Variants in BMP3 observed in about 807,000 individuals in gnomAD.
BMP3 encodes the protein bone morphogenetic protein 3 (osteogenic).
A neutral mutation model predicts 38.1 loss-of-function variants in BMP3; 23 were observed. That is an observed-to-expected ratio of 0.60 (90% confidence interval 0.43 to 0.86). The LOEUF is 0.86. Among genes scored for constraint, BMP3 ranks in the 40% least tolerant of loss-of-function variants. The pLI is 0.00. For synonymous variants in BMP3, 258 were observed against 225.7 expected (o/e 1.14, Z -1.28); for missense variants, 628 against 579.6 (o/e 1.08, Z -0.86).
chr4:81,031,590 G>A lies in BMP3; in HGVS notation c.306G>A (p.Ala102=), dbSNP rs759407041. ...REGNTVRSFR[A]AAAETLERKG... The stretch of plus-strand genomic sequence containing the variant: ...GCAACACGGTTCGCAGCTTTCGGGC[G>A]GCAGCAGCAGGTGAGTGCGCGAGGT... Residue 102 remains alanine (A), a synonymous_variant, in exon 1 of 3, where the codon GCG becomes GCA. Transcript: ENST00000282701. The A allele has an allele frequency of 6.3e-7, 1 of 1,596,458 alleles. No individual in the cohort carries two copies. Among genetic ancestry groups the A allele is most frequent in the Admixed American group, 1.7e-5 (1 of 58,582 alleles).
Position 81,030,894 on chromosome 4 carries a change from A to G in BMP3, c.-391A>G, listed in dbSNP as rs898614767. 7 of 194,578 alleles carry G rather than the reference A, an allele frequency of 3.6e-5. No homozygotes were observed. The highest frequency in any genetic ancestry group is 3.5e-4 in the Admixed American group (6 of 16,950). The allele number at this position is 194,578 out of a possible 1,614,324, so 12.1% of individuals were successfully genotyped here. A position where few individuals can be genotyped will look rare whatever the true frequency, so the allele number is the denominator to read the frequency against. ...CCGACCTGGCGCCCAAAACAGAGCT[A>G]GTCCTAGTCCCTCGCGCGGCCAGTT... On this transcript the variant is annotated 5_prime_UTR_variant, in exon 1 of 3. Coordinates refer to ENST00000282701, the MANE Select transcript of BMP3 (RefSeq NM_001201.5).
At position 81,053,432 on chromosome 4, in the gene BMP3, C is replaced by G. The variant is rs2109914222; in HGVS notation, c.1315C>G (p.Pro439Ala). The G allele has an allele frequency of 6.2e-7, 1 of 1,610,674 alleles. No individual in the cohort carries two copies. Among genetic ancestry groups the G allele is most frequent in the South Asian group, 1.1e-5 (1 of 90,590 alleles). The change falls in exon 3 of 3, where the codon CCA (proline) becomes GCA (alanine). Residue 439 changes from proline to alanine, a missense_variant. Physicochemically the swap from Pro to Ala is conservative, Grantham distance 27. Transcript: ENST00000282701. ...TGGGATTCCTGAGCCTTGCTGTGTA[C>G]CAGAAAAGATGTCCTCACTCAGTAT... ...VPGIPEPCCV[P>A]EKMSSLSILF... is the part of the protein sequence containing the mutation.
chr4:81,045,399 T>C (rs1450848598), intron 1 of BMP3, among the ~76,000 whole-genome samples: 1 of 152,202 alleles, frequency 6.6e-6, no homozygotes, highest in Non-Finnish European at 1.5e-5. Context: ...TATCTTATTA[T>C]GGAAGTTGTC....
In BMP3 at chr4:81,030,747, G is replaced by A. The variant is rs1739719504; in HGVS notation, c.-538G>A. Among the ~76,000 whole-genome samples the A allele has an allele frequency of 1.3e-5, 2 of 151,190 alleles. No homozygotes were observed. The highest frequency in any genetic ancestry group is 4.9e-5 in the African/African-American group (2 of 41,150). Reference sequence around the variant, plus strand: ...CACACACACACACGCACACACGCGCGCGCGCGCGCGCACACACACACACAC... The same window carrying A: ...CACACACACACACGCACACACGCGCACGCGCGCGCGCACACACACACACAC... On this transcript the variant is annotated 5_prime_UTR_variant, in exon 1 of 3. Transcript: ENST00000282701.
In BMP3 at chr4:81,056,192, T is replaced by A. The variant is rs1740555056; in HGVS notation, c.*2656T>A. ...TGATATTAAATTATTAAATTGGCAT[T>A]CATGAAAAGAGAAGCTACAATTATA... On this transcript the variant is annotated 3_prime_UTR_variant, in exon 3 of 3. Coordinates refer to ENST00000282701, the MANE Select transcript of BMP3 (RefSeq NM_001201.5). 6.6e-6 allele frequency: 1 copy of A among 152,056 alleles called. No individual in the cohort carries two copies. The highest frequency in any genetic ancestry group is 6.6e-5 in the Admixed American group (1 of 15,236). The allele number at this position is 152,056 out of a possible 1,614,324, so 9.4% of individuals were successfully genotyped here.
intron 2 of BMP3, among the ~76,000 whole-genome samples, chr4:81,047,412 C>A (rs1012098576): frequency 6.6e-6 from 1 of 152,198 alleles, no homozygotes; most frequent in Non-Finnish European, 1.5e-5. Context: ...ACGGCAAGTT[C>A]AAGTGACTGT....
chr4:81,053,554 T>C lies in BMP3; in HGVS notation c.*18T>C. On this transcript the variant is annotated 3_prime_UTR_variant, in exon 3 of 3. Coordinates refer to ENST00000282701, the MANE Select transcript of BMP3 (RefSeq NM_001201.5). ...GCAGATAACCTGGCAAAGAACTCATTTGAATGCTTAATTCAATCATTAGTT... is the reference window on the plus strand; with the variant it reads ...GCAGATAACCTGGCAAAGAACTCATCTGAATGCTTAATTCAATCATTAGTT... 7.1e-7 allele frequency: 1 copy of C among 1,416,736 alleles called. No individual in the cohort carries two copies. The highest frequency in any genetic ancestry group is 1.7e-5 in the South Asian group (1 of 58,006). 87.8% of individuals were successfully genotyped at this position (1,416,736 alleles called of 1,614,324 possible).
Position 81,053,870 on chromosome 4 carries a change from G to A in BMP3, c.*334G>A, listed in dbSNP as rs1740473712. On this transcript the variant is annotated 3_prime_UTR_variant, in exon 3 of 3. Coordinates refer to ENST00000282701, the MANE Select transcript of BMP3 (RefSeq NM_001201.5). The stretch of plus-strand genomic sequence containing the variant: ...TGTAATGTTCTTTGAAAACAGAATG[G>A]AGAAGCAGCAATAGCTTGTCATTTA... 6.1e-6 allele frequency: 1 copy of A among 164,672 alleles called. No individual in the cohort carries two copies. The highest frequency in any genetic ancestry group is 1.3e-5 in the Non-Finnish European group (1 of 76,346). 10.2% of individuals were successfully genotyped at this position (164,672 alleles called of 1,614,324 possible). A position where few individuals can be genotyped will look rare whatever the true frequency, so the allele number is the denominator to read the frequency against.
In BMP3 at chr4:81,054,483, T is replaced by C. The variant is rs1188718130; in HGVS notation, c.*947T>C. Reference sequence around the variant, plus strand: ...CTCTTTAATTCTCCTGATATGCCTTTACTTCCTATGAAGTTATTGGTAGAT... The same window carrying C: ...CTCTTTAATTCTCCTGATATGCCTTCACTTCCTATGAAGTTATTGGTAGAT... On this transcript the variant is annotated 3_prime_UTR_variant, in exon 3 of 3. Transcript: ENST00000282701. 2.0e-5 allele frequency: 3 copies of C among 152,348 alleles called. No homozygotes were observed. Among genetic ancestry groups the C allele is most frequent in the East Asian group, 3.9e-4 (2 of 5,192 alleles). 9.4% of individuals were successfully genotyped at this position (152,348 alleles called of 1,614,324 possible). A position where few individuals can be genotyped will look rare whatever the true frequency, so the allele number is the denominator to read the frequency against.
intron 1 of BMP3, 109 bp downstream of exon 1, chr4:81,031,709 C>T: frequency 1.5e-6 from 2 of 1,308,062 alleles, no homozygotes; most frequent in Non-Finnish European, 2.0e-6. Context: ...GCCTAGGGAC[C>T]TTTCTCCGCC....
chr4:81,057,006 T>A lies in BMP3; in HGVS notation c.*3470T>A, dbSNP rs1740591442. On this transcript the variant is annotated 3_prime_UTR_variant, in exon 3 of 3. Transcript: ENST00000282701. ...GTTAGGCATAGCTATGCACACCTGA[T>A]GTGTAAGATTAAAGAAGAGATTAAA... The A allele has an allele frequency of 6.6e-6, 1 of 152,560 alleles. No individual in the cohort carries two copies. The highest frequency in any genetic ancestry group is 2.4e-5 in the African/African-American group (1 of 41,440). 9.5% of individuals were successfully genotyped at this position (152,560 alleles called of 1,614,324 possible). A position where few individuals can be genotyped will look rare whatever the true frequency, so the allele number is the denominator to read the frequency against.
chr4:81,050,346 A>T (rs932293315), intron 2 of BMP3, among the ~76,000 whole-genome samples: 2 of 152,196 alleles, frequency 1.3e-5, no homozygotes, highest in African/African-American at 2.4e-5. Context: ...CTGTTCTCCC[A>T]GAGAGAGATT....
At chr4:81,051,460 T>C (rs1263258239) in intron 2 of BMP3, among the ~76,000 whole-genome samples, 1 of 152,154 alleles carries the variant, frequency 6.6e-6, no homozygotes, top group African/African-American at 2.4e-5. Flanking sequence ...AATTCAAATA[T>C]TATAGGAGTC....
At chr4:81,043,751 G>T (rs1740157589) in intron 1 of BMP3, among the ~76,000 whole-genome samples, 2 of 151,806 alleles carry the variant, frequency 1.3e-5, no homozygotes, top group South Asian at 2.1e-4. Flanking sequence ...CTACCGCCTT[G>T]CTAATTTTTG....
chr4:81,044,226 G>A (rs974145341), intron 1 of BMP3, among the ~76,000 whole-genome samples: 1 of 152,136 alleles, frequency 6.6e-6, no homozygotes, highest in African/African-American at 2.4e-5. Context: ...AAATTTGTAG[G>A]AATAAGTCTT....
Position 81,045,743 on chromosome 4 carries a change from C to T in BMP3, c.322C>T (p.Leu108Phe). Residue 108 changes from leucine (L) to phenylalanine (F), a missense_variant, in exon 2 of 3, where the codon CTT (leucine) becomes TTT (phenylalanine). By Grantham distance (22) the Leu-to-Phe change is conservative (BLOSUM62 0). Coordinates refer to ENST00000282701, the MANE Select transcript of BMP3 (RefSeq NM_001201.5). ...RSFRAAAAET[L>F]ERKGLYIFNL... ...TCTTTCTTTTTCCTTCCTAGAAACT[C>T]TTGAAAGAAAAGGACTGTATATCTT... is the stretch of plus-strand genomic sequence containing the variant. 1 of 1,580,150 alleles carries T rather than the reference C, an allele frequency of 6.3e-7. No individual in the cohort carries two copies. The highest frequency in any genetic ancestry group is 8.6e-7 in the Non-Finnish European group (1 of 1,165,686).
At chr4:81,040,453 T>G (rs13133972) in intron 1 of BMP3, among the ~76,000 whole-genome samples, 9,663 of 152,236 alleles carry the variant, frequency 0.063, 470 homozygotes, top group South Asian at 0.23. Context: ...AGTTTGAAAG[T>G]CATGACTTAT....
At chr4:81,052,064 A>G (rs770239404) in intron 2 of BMP3, among the ~76,000 whole-genome samples, 1 of 150,974 alleles carries the variant, frequency 6.6e-6, no homozygotes, top group Non-Finnish European at 1.5e-5. Context: ...GTTTGTATAT[A>G]CCCTTAAAGT....
At chr4:81,046,671 T>C in intron 2 of BMP3, 23 bp downstream of exon 2, 3 of 1,574,440 alleles carry the variant, frequency 1.9e-6, no homozygotes, top group East Asian at 4.5e-5. Flanking sequence ...CTCTGTCCTG[T>C]ACTTACTTCC....
Sources: allele counts gnomAD v4.1 joint callset (sites outside exome capture counted in the v4.1 genomes callset), GRCh38; gene constraint gnomAD v4.1.1; transcripts MANE v1.5; gene names NCBI Gene and HGNC (gene_info 2026-07-23, HGNC 2026-07-21).